The following IL7 variants were observed in gnomAD, a reference collection of about 807,000 sequenced individuals.
IL7 encodes interleukin 7.
Under a neutral mutation model 21.6 loss-of-function variants are expected in IL7, and 3 were observed. That is an observed-to-expected ratio of 0.14 (90% CI 0.06 to 0.36). The LOEUF (loss-of-function observed/expected upper bound fraction) is 0.36, where lower values mean the gene tolerates loss of function less well. IL7 is among the 10% of genes least tolerant of loss of function. The pLI is 1.00. For synonymous variants in IL7, 62 were observed against 68.1 expected (o/e 0.91, Z 0.44); for missense variants, 175 against 200.2 (o/e 0.87, Z 0.76).
intron 3 of IL7, among the ~76,000 whole-genome samples, chr8:78,739,273 TGTG>T (rs1418208259): frequency 1.3e-5 from 2 of 152,200 alleles, no homozygotes; most frequent in African/African-American, 2.4e-5. Flanking sequence ...ACCAACTAGA[TGTG>T]GTAATCATTT....
intron 2 of IL7, among the ~76,000 whole-genome samples, chr8:78,787,839 G>A (rs1476755090): frequency 6.6e-6 from 1 of 152,014 alleles, no homozygotes; most frequent in Non-Finnish European, 1.5e-5. Flanking sequence ...TATAACAAAT[G>A]TCCATGAACA....
At position 78,708,682 on chromosome 8, in the gene IL7, T is replaced by C. The variant is rs6997417; in HGVS notation, n.214+12666A>G. The stretch of plus-strand genomic sequence containing the variant: ...CTAAAAGATGATTATCTTTTTTTTT[T>C]CTTTTTTTTTTTTTTGAGATGGAGT... On this transcript the variant is annotated intron_variant and non_coding_transcript_variant, in intron 3 of 4. Coordinates refer to the IL7 transcript ENST00000523959. Among the ~76,000 whole-genome samples the C allele has an allele frequency of 4.5e-3, 595 of 132,168 alleles. 5 individuals carry two copies. The highest frequency in any genetic ancestry group is 0.03 in the East Asian group (132 of 4,398). 86.7% of individuals were successfully genotyped at this position (132,168 alleles called of 152,430 possible).
At chr8:78,744,482 T>A (rs1811909224) in intron 2 of IL7, among the ~76,000 whole-genome samples, 1 of 152,034 alleles carries the variant, frequency 6.6e-6, no homozygotes, top group Non-Finnish European at 1.5e-5. Flanking sequence ...ATGGTGGCCT[T>A]CCCCTCTCCC....
At chr8:78,736,817 G>A (rs1287483532) in intron 4 of IL7, among the ~76,000 whole-genome samples, 1 of 151,986 alleles carries the variant, frequency 6.6e-6, no homozygotes, top group Non-Finnish European at 1.5e-5. Context: ...ACATAGTAGG[G>A]TATAGTAGCA....
At chr8:78,721,973 GAT>G (rs747196130) in intron 3 of IL7, among the ~76,000 whole-genome samples, 38 of 151,864 alleles carry the variant, frequency 2.5e-4, no homozygotes, top group Non-Finnish European at 3.2e-4. Context: ...TTATTGCTAA[GAT>G]AAAAATTTTC....
intron 3 of IL7, among the ~76,000 whole-genome samples, chr8:78,722,112 T>A (rs1353138216): frequency 6.6e-6 from 1 of 152,012 alleles, no homozygotes; most frequent in African/African-American, 2.4e-5. Flanking sequence ...CTTTTATATT[T>A]TGTATATTGT....
chr8:78,701,621 G>C (rs960281350), intron 3 of IL7, among the ~76,000 whole-genome samples: 2 of 152,148 alleles, frequency 1.3e-5, no homozygotes, highest in Non-Finnish European at 2.9e-5. Context: ...GTATGATGTT[G>C]GCTGTGGATT....
At chr8:78,799,962 C>G (rs1813997412) in intron 1 of IL7, among the ~76,000 whole-genome samples, 1 of 152,120 alleles carries the variant, frequency 6.6e-6, no homozygotes, top group Non-Finnish European at 1.5e-5. Context: ...AGATTTCTTA[C>G]TAATACATAT....
At chr8:78,750,325 T>A (rs572695131) in intron 2 of IL7, among the ~76,000 whole-genome samples, 21 of 152,202 alleles carry the variant, frequency 1.4e-4, no homozygotes, top group African/African-American at 4.8e-4. Flanking sequence ...ACACATCCCC[T>A]TTTTCCACAC....
At chr8:78,804,796 A>C (rs989955024) in intron 1 of IL7, 117 bp downstream of exon 1, 62 of 1,208,234 alleles carry the variant, frequency 5.1e-5, no homozygotes, top group South Asian at 9.2e-5. Flanking sequence ...CCGCAGGTCC[A>C]AAGTGCAAGG....
At chr8:78,703,536 CTTT>C (rs35710652) in intron 3 of IL7, among the ~76,000 whole-genome samples, 1 of 139,706 alleles carries the variant, frequency 7.2e-6, no homozygotes. Flanking sequence ...TAATACCCTT[CTTT>C]TTTTTTTTTT....
chr8:78,801,107 C>G (rs1450522408), intron 1 of IL7, among the ~76,000 whole-genome samples: 1 of 152,060 alleles, frequency 6.6e-6, no homozygotes, highest in South Asian at 2.1e-4. Flanking sequence ...ACATAATTTG[C>G]CTTGCCTGTT....
intron 3 of IL7, among the ~76,000 whole-genome samples, chr8:78,694,133 A>G (rs1810317500): frequency 6.6e-6 from 1 of 151,682 alleles, no homozygotes; most frequent in African/African-American, 2.4e-5. Context: ...TTGGCTGGCT[A>G]TTTTTCTAAT....
intron 2 of IL7, chr8:78,760,959 G>A (rs1359731956): frequency 1.1e-5 from 17 of 1,570,304 alleles, no homozygotes; most frequent in Non-Finnish European, 1.4e-5. Flanking sequence ...GTAAAAGATA[G>A]GACATTTTTA....
In IL7 at chr8:78,740,044, A is replaced by T. The variant is rs1331406682; in HGVS notation, c.186T>A (p.Asn62Lys). ...TATGTCTTTTAAAAAAGTTAAATTC[A>T]TTATTCAGGCAATTGCTACCAATTT... ...MKEIGSNCLN[N>K]EFNFFKRHIC... is the part of the protein sequence containing the mutation. Residue 62 changes from asparagine to lysine, a missense_variant, in exon 3 of 6, where the codon AAT becomes AAA. Coordinates refer to ENST00000263851, the MANE Select transcript of IL7 (RefSeq NM_000880.4). The T allele has an allele frequency of 6.5e-6, 10 of 1,541,008 alleles. No individual in the cohort carries two copies. The highest frequency in any genetic ancestry group is 7.8e-6 in the Non-Finnish European group (9 of 1,147,692).
intron 3 of IL7, among the ~76,000 whole-genome samples, chr8:78,702,067 C>T (rs749428463): frequency 1.3e-5 from 2 of 152,070 alleles, no homozygotes; most frequent in Non-Finnish European, 2.9e-5. Flanking sequence ...CTTTGTGCAT[C>T]TAGTAGAATT....
At position 78,697,625 on chromosome 8, in the gene IL7, G is replaced by A. The variant is rs963884252; in HGVS notation, n.215-11678C>T. 41 of 669,208 alleles carry A rather than the reference G, an allele frequency of 6.1e-5. No individual in the cohort carries two copies. In the African/African-American group the frequency reaches 7.6e-4, roughly 12 times the overall value. The allele number at this position is 669,208 out of a possible 1,614,324, so 41.5% of individuals were successfully genotyped here. On this transcript the variant is annotated intron_variant and non_coding_transcript_variant, in intron 3 of 4. Coordinates refer to the IL7 transcript ENST00000523959. ...AGATTTATAATTAAGAAGAGATGTA[G>A]AAGTTAAGTAATTATTTTTTAAAAT... is the stretch of plus-strand genomic sequence containing the variant.
chr8:78,801,493 C>T (rs1230064224), intron 1 of IL7, among the ~76,000 whole-genome samples: 1 of 152,114 alleles, frequency 6.6e-6, no homozygotes, highest in Non-Finnish European at 1.5e-5. Flanking sequence ...GAAGTCAAGG[C>T]TGCCATGAGC....
At chr8:78,712,546 T>C (rs1810983417) in intron 3 of IL7, among the ~76,000 whole-genome samples, 1 of 152,166 alleles carries the variant, frequency 6.6e-6, no homozygotes, top group Admixed American at 6.6e-5. Context: ...GAAAAGATTT[T>C]AGGAAACTTT....
Sources: allele counts gnomAD v4.1 joint callset (sites outside exome capture counted in the v4.1 genomes callset), GRCh38; gene constraint gnomAD v4.1.1; transcripts MANE v1.5; gene names NCBI Gene and HGNC (gene_info 2026-07-23, HGNC 2026-07-21).